UPF2: variants seen among roughly 807,000 people sequenced by gnomAD.
UPF2 encodes the protein regulator of nonsense transcripts 2.
Under a neutral mutation model 141.4 loss-of-function variants are expected in UPF2, and 17 were observed. That is an observed-to-expected ratio of 0.12 (90% CI 0.08 to 0.18). The LOEUF (loss-of-function observed/expected upper bound fraction) is 0.18, where lower values mean the gene tolerates loss of function less well. Among genes scored for constraint, UPF2 ranks in the 10% least tolerant of loss-of-function variants. UPF2 has a pLI of 1.00. For synonymous variants in UPF2, 540 were observed against 498.0 expected (o/e 1.08, Z -1.12); for missense variants, 1,152 against 1,515.9 (o/e 0.76, Z 3.99).
At chr10:11,995,298 G>C (rs1833848028) in intron 8 of UPF2, among the ~76,000 whole-genome samples, 1 of 152,162 alleles carries the variant, frequency 6.6e-6, no homozygotes, top group Admixed American at 6.6e-5. Context: ...TCAAGATTCT[G>C]CAGAAGGAAG....
rs1220187697 is a variant in UPF2 at position 11,999,509 on chromosome 10, T to C, written c.1758+397A>G. ...GCCTAGGCGAAAGAGTGAGACTCCATCTCAAAAAAAAAAAAAAAAAAAAAC... is the reference window on the plus strand; with the variant it reads ...GCCTAGGCGAAAGAGTGAGACTCCACCTCAAAAAAAAAAAAAAAAAAAAAC... On this transcript the variant is annotated intron_variant, in intron 7 of 21. Coordinates refer to ENST00000357604, the MANE Select transcript of UPF2 (RefSeq NM_015542.4). Among the ~76,000 whole-genome samples the C allele has an allele frequency of 9.0e-5, 8 of 88,864 alleles. No homozygotes were observed. In the Admixed American group the frequency reaches 1.3e-3, roughly 14 times the overall value. The allele number at this position is 88,864 out of a possible 152,430, so 58.3% of individuals were successfully genotyped here.
Position 11,936,414 on chromosome 10 carries a change from G to A in UPF2, c.3546+131C>T, listed in dbSNP as rs577934142. 408 of 940,106 alleles carry A rather than the reference G, an allele frequency of 4.3e-4. 1 individual carries two copies. Among genetic ancestry groups the A allele is most frequent in the Non-Finnish European group, 5.6e-4 (386 of 684,126 alleles). The allele number at this position is 940,106 out of a possible 1,614,324, so 58.2% of individuals were successfully genotyped here. On this transcript the variant is annotated intron_variant, in intron 19 of 21. Transcript: ENST00000357604. This position sits in a 1 kb window ranked among gnomAD's most constrained non-coding sequence, Gnocchi z 6.6. ...AACAAAAACAAAAAAAACTATATAA[G>A]GGAAGAAATTATTCTACCACTGAAT...
rs541306782 is a variant in UPF2, at chr10:11,979,948, C to T, written c.1845-783G>A. On this transcript the variant is annotated intron_variant, in intron 8 of 21. Coordinates refer to ENST00000357604, the MANE Select transcript of UPF2 (RefSeq NM_015542.4). This position sits in a 1 kb window ranked among gnomAD's most constrained non-coding sequence, Gnocchi z 6.2. Reference sequence around the variant, plus strand: ...GAATGGTACTCAATAACTGAAAAAACCTCTACGAAGGCAAAATAATATTAC... The same window carrying T: ...GAATGGTACTCAATAACTGAAAAAATCTCTACGAAGGCAAAATAATATTAC... Among the ~76,000 whole-genome samples the T allele has an allele frequency of 4.6e-5, 7 of 152,272 alleles. No homozygotes were observed. In the South Asian group the frequency reaches 1.2e-3, roughly 27 times the overall value.
rs71380796 is a variant in UPF2 at position 11,921,816 on chromosome 10, ACTTATT to A, written c.3810-515_3810-510del. Among the ~76,000 whole-genome samples the A allele has an allele frequency of 0.37, 56,060 of 151,440 alleles. 11,547 individuals carry two copies. The highest frequency in any genetic ancestry group is 0.48 in the Non-Finnish European group (32,408 of 67,626). On this transcript the variant is annotated intron_variant, in intron 21 of 21. Transcript: ENST00000357604. This position sits in a 1 kb window ranked among gnomAD's most constrained non-coding sequence, Gnocchi z 5.9. ...AGGAGTGGCTCTGTTCTCTTCTACAACTTATTCTTAAGGTGCTAAGAATTCACAGTT... is the reference window on the plus strand; with the variant it reads ...AGGAGTGGCTCTGTTCTCTTCTACAACTTAAGGTGCTAAGAATTCACAGTT...
chr10:11,989,354 C>T (rs1833743421), intron 8 of UPF2, among the ~76,000 whole-genome samples: 2 of 152,198 alleles, frequency 1.3e-5, no homozygotes, highest in African/African-American at 2.4e-5. Flanking sequence ...CATAGTGGCA[C>T]ATGCCTGTAA....
chr10:11,945,355 CTG>C (rs1227595886), intron 16 of UPF2, among the ~76,000 whole-genome samples: 1 of 152,210 alleles, frequency 6.6e-6, no homozygotes, highest in Non-Finnish European at 1.5e-5. Flanking sequence ...AAGTAAATAA[CTG>C]TAGAATATCC....
intron 3 of UPF2, among the ~76,000 whole-genome samples, chr10:12,020,221 G>T (rs191864632): frequency 5.4e-5 from 8 of 147,456 alleles, no homozygotes; most frequent in African/African-American, 1.5e-4. Flanking sequence ...ATTAATTTTT[G>T]CTTTGTATTA....
chr10:12,021,752 T>C (rs1479576492), intron 3 of UPF2, among the ~76,000 whole-genome samples: 1 of 152,122 alleles, frequency 6.6e-6, no homozygotes, highest in African/African-American at 2.4e-5. Context: ...ACAAAATCTT[T>C]AAAAGAATGA....
Position 11,953,801 on chromosome 10 carries a change from A to G in UPF2, c.2850+1431T>C, listed in dbSNP as rs576396216. ...TCATCAATTCAGAAAGTAAGGGAGT[A>G]ATAGGTTTCCCTCTACTGCAAAAGA... On this transcript the variant is annotated intron_variant, in intron 14 of 21. Transcript: ENST00000357604. This position sits in a 1 kb window ranked among gnomAD's most constrained non-coding sequence, Gnocchi z 5.0. Among the ~76,000 whole-genome samples, 1 of 152,212 alleles carries G rather than the reference A, an allele frequency of 6.6e-6. No homozygotes were observed. Among genetic ancestry groups the G allele is most frequent in the Non-Finnish European group, 1.5e-5 (1 of 68,042 alleles).
At chr10:12,038,668 G>A (rs557320412) in intron 1 of UPF2, among the ~76,000 whole-genome samples, 4 of 152,040 alleles carry the variant, frequency 2.6e-5, no homozygotes, top group East Asian at 1.9e-4. Flanking sequence ...GGCGGAGGCT[G>A]CAGTAAGCCG....
At chr10:11,984,016 C>T (rs1354694963) in intron 8 of UPF2, among the ~76,000 whole-genome samples, 8 of 151,830 alleles carry the variant, frequency 5.3e-5, no homozygotes, top group South Asian at 2.1e-4. Context: ...CTCCACCTCC[C>T]GGGTTCAAGC....
intron 9 of UPF2, among the ~76,000 whole-genome samples, chr10:11,973,715 G>T (rs2131218259): frequency 6.6e-6 from 1 of 152,248 alleles, no homozygotes; most frequent in Non-Finnish European, 1.5e-5. Flanking sequence ...TATTATTTCT[G>T]AGGGCTCTGT....
At chr10:12,032,086 G>A (rs1834533841) in intron 2 of UPF2, among the ~76,000 whole-genome samples, 1 of 152,108 alleles carries the variant, frequency 6.6e-6, no homozygotes, top group African/African-American at 2.4e-5. Flanking sequence ...CTGAGGTCAG[G>A]AGTTCGAGAT....
intron 4 of UPF2, among the ~76,000 whole-genome samples, chr10:12,007,891 CTT>C (rs946546228): frequency 7.0e-6 from 1 of 142,540 alleles, no homozygotes. Context: ...ATACAAAGTG[CTT>C]TTTTTTTTTC....
chr10:11,967,308 C>T, intron 10 of UPF2, 33 bp downstream of exon 10: 1 of 1,245,384 alleles, frequency 8.0e-7, no homozygotes, highest in Non-Finnish European at 1.1e-6. Context: ...TTAAACTTTT[C>T]AATTAAAAAC....
At chr10:11,976,568 A>G (rs140330221) in intron 9 of UPF2, among the ~76,000 whole-genome samples, 53 of 152,366 alleles carry the variant, frequency 3.5e-4, no homozygotes, top group Non-Finnish European at 6.5e-4. Context: ...GGACTAATTT[A>G]GCTCCAAGTA....
intron 11 of UPF2, among the ~76,000 whole-genome samples, chr10:11,961,572 T>A (rs930114718): frequency 2.6e-5 from 4 of 152,104 alleles, no homozygotes; most frequent in South Asian, 4.2e-4. Flanking sequence ...TGGGTTTAAG[T>A]GTGCAGAGGG....
chr10:12,035,293 G>A lies in UPF2; in HGVS notation c.131C>T (p.Thr44Ile). Residue 44 changes from threonine (T) to isoleucine (I), a missense_variant, in exon 2 of 22, where the codon ACT (threonine) becomes ATT (isoleucine). Physicochemically the swap from Thr to Ile is moderately conservative, Grantham distance 89. Around this residue, in one of 4 missense-constraint regions of UPF2, gnomAD observed 145 missense variants for 136.5 expected, o/e 1.06. Transcript: ENST00000357604. The part of the protein sequence containing the change: ...KERPKDDIKL[T>I]AKKEVSKAPE... ...GGCCTTGCTGACCTCCTTCTTGGCA[G>A]TGAGCTTGATATCGTCTTTTGGCCT... 6.2e-7 allele frequency: 1 copy of A among 1,614,020 alleles called. No individual in the cohort carries two copies. Among genetic ancestry groups the A allele is most frequent in the Non-Finnish European group, 8.5e-7 (1 of 1,180,024 alleles).
intron 9 of UPF2, 88 bp from the exon 10 acceptor site, chr10:11,967,542 T>A: frequency 2.7e-5 from 13 of 477,160 alleles, no homozygotes; most frequent in Non-Finnish European, 4.2e-5. Flanking sequence ...TCGAATTCAC[T>A]CCAGTTTTTT....
Sources: allele counts gnomAD v4.1 joint callset (sites outside exome capture counted in the v4.1 genomes callset), GRCh38; gene constraint gnomAD v4.1.1; regional missense constraint gnomAD v4.1.1; non-coding constraint Gnocchi (gnomAD v3.1); transcripts MANE v1.5; gene names NCBI Gene and HGNC (gene_info 2026-07-23, HGNC 2026-07-21).